Variants in ADGRB3 observed in about 807,000 individuals in gnomAD.
The protein encoded by ADGRB3 is brain-specific angiogenesis inhibitor 3.
ADGRB3 carries 37 observed loss-of-function variants against 193.4 expected under a neutral mutation model. That is an observed-to-expected ratio of 0.19 (90% CI 0.15 to 0.25). ADGRB3 has a LOEUF of 0.25. Among genes scored for constraint, ADGRB3 ranks in the 10% least tolerant of loss-of-function variants. ADGRB3 has a pLI of 1.00. For missense variants in ADGRB3, 1,637 were observed against 1,852.9 expected (o/e 0.88, Z 2.14); for synonymous variants, 690 against 644.2 (o/e 1.07, Z -1.08).
chr6:69,288,396 C>T (rs868138313), intron 20 of ADGRB3, among the ~76,000 whole-genome samples: 16 of 152,244 alleles, frequency 1.1e-4, no homozygotes, highest in Middle Eastern at 6.8e-3. Flanking sequence ...TTTATGGCTG[C>T]ATAGTATTCC....
chr6:69,232,548 G>T, intron 17 of ADGRB3: 1 of 1,535,692 alleles, frequency 6.5e-7, no homozygotes, highest in Non-Finnish European at 8.7e-7. Flanking sequence ...CTGCCCCAGG[G>T]CAAAGAAGCA....
chr6:68,910,563 A>G (rs1366834549), intron 3 of ADGRB3, among the ~76,000 whole-genome samples: 1 of 152,070 alleles, frequency 6.6e-6, no homozygotes, highest in East Asian at 1.9e-4. Flanking sequence ...TCTTTAATCC[A>G]TCTTGAATTA....
intron 3 of ADGRB3, among the ~76,000 whole-genome samples, chr6:68,788,680 C>A (rs1767029201): frequency 6.6e-6 from 1 of 152,124 alleles, no homozygotes; most frequent in African/African-American, 2.4e-5. Context: ...CCGCTTGGCG[C>A]AGAGCTGAGT....
At chr6:68,925,790 A>G (rs181355078) in intron 3 of ADGRB3, among the ~76,000 whole-genome samples, 5 of 152,176 alleles carry the variant, frequency 3.3e-5, no homozygotes, top group Admixed American at 3.3e-4. Flanking sequence ...CAGGCCATGT[A>G]TAATGGATTT....
intron 16 of ADGRB3, among the ~76,000 whole-genome samples, chr6:69,070,955 C>T (rs989109160): frequency 6.6e-6 from 1 of 152,172 alleles, no homozygotes; most frequent in Non-Finnish European, 1.5e-5. Context: ...ATGAAGCTTT[C>T]TTAATAGACA....
chr6:69,153,121 G>A (rs534612373), intron 17 of ADGRB3, among the ~76,000 whole-genome samples: 2 of 151,944 alleles, frequency 1.3e-5, no homozygotes, highest in African/African-American at 2.4e-5. Context: ...GGAAACCTAT[G>A]AAACCCTGCA....
chr6:69,051,929 C>G (rs1354624852), intron 15 of ADGRB3, among the ~76,000 whole-genome samples: 1 of 152,136 alleles, frequency 6.6e-6, no homozygotes, highest in Non-Finnish European at 1.5e-5. Context: ...GAGTCTCGCT[C>G]TGTTGCCCAG....
intron 3 of ADGRB3, among the ~76,000 whole-genome samples, chr6:68,866,982 T>C (rs191640963): frequency 6.9e-4 from 105 of 152,232 alleles, no homozygotes; most frequent in African/African-American, 2.4e-3. Flanking sequence ...AGTATAAAAG[T>C]TTGAAAAATT....
chr6:68,665,941 G>T (rs1394868550), intron 3 of ADGRB3, among the ~76,000 whole-genome samples: 1 of 151,750 alleles, frequency 6.6e-6, no homozygotes, highest in African/African-American at 2.4e-5. Context: ...TGATCTCTTA[G>T]AAGTTTATCT....
intron 8 of ADGRB3, among the ~76,000 whole-genome samples, chr6:68,958,393 A>G (rs994679486): frequency 1.3e-5 from 2 of 152,146 alleles, no homozygotes; most frequent in Admixed American, 1.3e-4. Context: ...CTAGGGAGAA[A>G]TTTCACAGAA....
intron 17 of ADGRB3, among the ~76,000 whole-genome samples, chr6:69,162,553 A>G (rs1453936558): frequency 1.3e-5 from 2 of 152,124 alleles, no homozygotes; most frequent in African/African-American, 4.8e-5. Context: ...AAGTACAAAC[A>G]TTCAAATGCC....
At chr6:68,841,761 C>A (rs917137388) in intron 3 of ADGRB3, among the ~76,000 whole-genome samples, 1 of 151,784 alleles carries the variant, frequency 6.6e-6, no homozygotes, top group Non-Finnish European at 1.5e-5. Flanking sequence ...TAAAGACTCA[C>A]GAAAGGAAAG....
At chr6:68,874,515 C>T (rs1433530589) in intron 3 of ADGRB3, among the ~76,000 whole-genome samples, 1 of 151,958 alleles carries the variant, frequency 6.6e-6, no homozygotes, top group African/African-American at 2.4e-5. Flanking sequence ...GTCATTGTTT[C>T]CTGAATTAGC....
chr6:69,064,195 G>T (rs1771832085), intron 16 of ADGRB3, among the ~76,000 whole-genome samples: 1 of 151,876 alleles, frequency 6.6e-6, no homozygotes, highest in Non-Finnish European at 1.5e-5. Flanking sequence ...TCTAAGATGA[G>T]CCAGGCTTCC....
chr6:69,262,073 CA>C (rs1274974368), intron 20 of ADGRB3, among the ~76,000 whole-genome samples: 1 of 151,912 alleles, frequency 6.6e-6, no homozygotes, highest in Non-Finnish European at 1.5e-5. Context: ...TCATAAAGGA[CA>C]GAAAATAGTC....
chr6:69,238,656 A>G (rs1766323188), intron 19 of ADGRB3, among the ~76,000 whole-genome samples: 1 of 152,012 alleles, frequency 6.6e-6, no homozygotes, highest in African/African-American at 2.4e-5. Flanking sequence ...CCTTCTAGTA[A>G]ATAACAATAA....
chr6:69,253,359 T>C (rs1199268112), intron 20 of ADGRB3, among the ~76,000 whole-genome samples: 1 of 152,092 alleles, frequency 6.6e-6, no homozygotes, highest in Non-Finnish European at 1.5e-5. Context: ...TGTGTTGCAA[T>C]TTTCTTAGTA....
At position 68,850,456 on chromosome 6, in the gene ADGRB3, C is replaced by T. The variant is rs141528974; in HGVS notation, c.758-80103C>T. 2.0e-3 allele frequency among the ~76,000 whole-genome samples: 309 copies of T among 152,014 alleles called. 2 individuals carry two copies. The highest frequency in any genetic ancestry group is 7.2e-3 in the African/African-American group (298 of 41,516). On this transcript the variant is annotated intron_variant, in intron 3 of 31. Coordinates refer to ENST00000370598, the MANE Select transcript of ADGRB3 (RefSeq NM_001704.3). ...CATTGTATGTTGGAAATGTCTGCAG[C>T]TACCCTCATGTTTTCTCTCCTGTTA...
At chr6:68,852,642 G>A (rs553150259) in intron 3 of ADGRB3, among the ~76,000 whole-genome samples, 1 of 151,978 alleles carries the variant, frequency 6.6e-6, no homozygotes, top group East Asian at 1.9e-4. Context: ...CACTATCAGT[G>A]GCATCTTTTT....
Sources: allele counts gnomAD v4.1 joint callset (sites outside exome capture counted in the v4.1 genomes callset), GRCh38; gene constraint gnomAD v4.1.1; transcripts MANE v1.5; gene names NCBI Gene and HGNC (gene_info 2026-07-23, HGNC 2026-07-21).